EYA4: variants seen among roughly 807,000 people sequenced by gnomAD.
EYA4 encodes the protein protein phosphatase EYA4.
EYA4 carries 31 observed loss-of-function variants against 87.9 expected under a neutral mutation model. That is an observed-to-expected ratio of 0.35 (90% CI 0.27 to 0.48). EYA4 has a LOEUF of 0.48. Ranked by LOEUF, EYA4 falls within the 20% of genes least tolerant of loss-of-function variation. EYA4 has a pLI of 0.99. For synonymous variants in EYA4, 263 were observed against 270.6 expected (o/e 0.97, Z 0.28); for missense variants, 678 against 761.4 (o/e 0.89, Z 1.29).
intron 1 of EYA4, among the ~76,000 whole-genome samples, chr6:133,265,118 G>A (rs1013910629): frequency 6.6e-6 from 1 of 152,062 alleles, no homozygotes; most frequent in African/African-American, 2.4e-5. Context: ...AAGAAATGTT[G>A]AATTTGTAAT....
Position 133,252,948 on chromosome 6 carries a change from C to CAG in EYA4, c.-66+11200_-66+11201insGA, listed in dbSNP as rs1264594516. On this transcript the variant is annotated intron_variant, in intron 1 of 19. Transcript: ENST00000355286. The stretch of plus-strand genomic sequence containing the variant: ...CAGGGTAGAGGTACTTGAAAACACA[C>CAG]ACACACACACACACACACACACACA... Among the ~76,000 whole-genome samples, 10 of 15,794 alleles carry CAG rather than the reference C, an allele frequency of 6.3e-4. No individual in the cohort carries two copies. In the East Asian group the frequency reaches 0.012, roughly 19 times the overall value. 10.4% of individuals were successfully genotyped at this position (15,794 alleles called of 152,430 possible).
intron 3 of EYA4, among the ~76,000 whole-genome samples, chr6:133,418,315 A>G (rs957264490): frequency 6.6e-6 from 1 of 152,134 alleles, no homozygotes; most frequent in Non-Finnish European, 1.5e-5. Flanking sequence ...CACATTCTTC[A>G]TGGATGTGAC....
intron 13 of EYA4, among the ~76,000 whole-genome samples, chr6:133,499,997 T>A (rs1175113060): frequency 2.6e-5 from 4 of 151,056 alleles, no homozygotes; most frequent in Middle Eastern, 6.3e-3. Flanking sequence ...AAAAGTAACA[T>A]GTATATGAAT....
chr6:133,451,595 A>G (rs775360600), intron 5 of EYA4, among the ~76,000 whole-genome samples: 10 of 152,200 alleles, frequency 6.6e-5, no homozygotes, highest in Non-Finnish European at 1.5e-4. Flanking sequence ...GCCAAGTTCT[A>G]TGCCAGGAAA....
At chr6:133,345,298 A>C (rs1783109162) in intron 2 of EYA4, among the ~76,000 whole-genome samples, 1 of 152,070 alleles carries the variant, frequency 6.6e-6, no homozygotes, top group Non-Finnish European at 1.5e-5. Flanking sequence ...ATGATGAGAT[A>C]TTGAGTTTGT....
At chr6:133,254,201 T>G (rs1775155415) in intron 1 of EYA4, among the ~76,000 whole-genome samples, 1 of 152,210 alleles carries the variant, frequency 6.6e-6, no homozygotes, top group Non-Finnish European at 1.5e-5. Context: ...GTTTATGGTC[T>G]TCATAATTCT....
chr6:133,326,754 C>G (rs918191499), intron 2 of EYA4, among the ~76,000 whole-genome samples: 2 of 152,218 alleles, frequency 1.3e-5, no homozygotes, highest in African/African-American at 4.8e-5. Context: ...ATCCCTTCAC[C>G]GTGACTGAAG....
intron 11 of EYA4, among the ~76,000 whole-genome samples, chr6:133,472,391 T>C (rs1795348045): frequency 1.0e-5 from 1 of 97,220 alleles, no homozygotes; most frequent in African/African-American, 5.0e-5. Flanking sequence ...AGTTTCCATG[T>C]AGTTGAGTGG....
At chr6:133,417,779 C>T (rs1789861585) in intron 3 of EYA4, among the ~76,000 whole-genome samples, 1 of 152,134 alleles carries the variant, frequency 6.6e-6, no homozygotes, top group African/African-American at 2.4e-5. Flanking sequence ...AAATAAGGCT[C>T]AAAGGGTTTA....
At chr6:133,291,154 A>G (rs1778456303) in intron 2 of EYA4, among the ~76,000 whole-genome samples, 1 of 152,174 alleles carries the variant, frequency 6.6e-6, no homozygotes, top group Admixed American at 6.6e-5. Context: ...TTAGAGAGAG[A>G]TGTAATTTCA....
At chr6:133,377,364 G>A (rs73776033) in intron 2 of EYA4, among the ~76,000 whole-genome samples, 4 of 151,958 alleles carry the variant, frequency 2.6e-5, no homozygotes, top group Non-Finnish European at 4.4e-5. Flanking sequence ...GCACATCTCC[G>A]TTCAATTCAG....
At chr6:133,298,111 T>C (rs1370446713) in intron 2 of EYA4, among the ~76,000 whole-genome samples, 1 of 152,236 alleles carries the variant, frequency 6.6e-6, no homozygotes, top group East Asian at 1.9e-4. Flanking sequence ...CATTTTTTAA[T>C]TTGACGTGTT....
intron 13 of EYA4, 41 bp from the exon 14 acceptor site, chr6:133,506,065 T>A: frequency 8.8e-7 from 1 of 1,131,220 alleles, no homozygotes; most frequent in Non-Finnish European, 1.4e-6. Flanking sequence ...AATAAGCGCT[T>A]ACTGAAATTT....
At chr6:133,303,565 C>T (rs1779576853) in intron 2 of EYA4, among the ~76,000 whole-genome samples, 1 of 152,124 alleles carries the variant, frequency 6.6e-6, no homozygotes, top group Non-Finnish European at 1.5e-5. Flanking sequence ...TTCTGCCTTC[C>T]TCTATTTCTG....
intron 3 of EYA4, among the ~76,000 whole-genome samples, chr6:133,383,410 C>G (rs377273319): frequency 7.0e-6 from 1 of 143,554 alleles, no homozygotes; most frequent in African/African-American, 2.6e-5. Flanking sequence ...CCCAGTTACT[C>G]GGGAGGGTGA....
At chr6:133,420,940 T>C (rs1790165858) in intron 3 of EYA4, among the ~76,000 whole-genome samples, 1 of 152,242 alleles carries the variant, frequency 6.6e-6, no homozygotes, top group South Asian at 2.1e-4. Flanking sequence ...GGGTACTGTT[T>C]AACAGCCTTT....
chr6:133,309,515 T>C (rs1011871768), intron 2 of EYA4, among the ~76,000 whole-genome samples: 1 of 152,244 alleles, frequency 6.6e-6, no homozygotes, highest in African/African-American at 2.4e-5. Flanking sequence ...CTAGACATTT[T>C]CAAACAAATC....
intron 17 of EYA4, among the ~76,000 whole-genome samples, chr6:133,520,003 C>A (rs1046927618): frequency 1.3e-5 from 2 of 152,100 alleles, no homozygotes; most frequent in African/African-American, 4.8e-5. Flanking sequence ...TAAGAGCTAT[C>A]TATGACAAAC....
chr6:133,393,054 C>T (rs1163251478), intron 3 of EYA4, among the ~76,000 whole-genome samples: 2 of 152,150 alleles, frequency 1.3e-5, no homozygotes, highest in African/African-American at 4.8e-5. Flanking sequence ...AGAATGTTGT[C>T]GATTGAGGGC....
Sources: allele counts gnomAD v4.1 joint callset (sites outside exome capture counted in the v4.1 genomes callset), GRCh38; gene constraint gnomAD v4.1.1; transcripts MANE v1.5; gene names NCBI Gene and HGNC (gene_info 2026-07-23, HGNC 2026-07-21).